Variants in ELP3 observed in about 807,000 individuals in gnomAD.
The protein encoded by ELP3 is elongator complex protein 3.
ELP3 carries 56 observed loss-of-function variants against 74.9 expected under a neutral mutation model. The ratio of observed to expected loss-of-function variants is 0.75; its 90% confidence interval spans 0.60 to 0.93. ELP3 has a LOEUF of 0.93. Among genes scored for constraint, ELP3 ranks in the 40% least tolerant of loss-of-function variants. ELP3 has a pLI of 0.00. For synonymous variants in ELP3, 222 were observed against 239.8 expected, an observed-to-expected ratio of 0.93 and a Z score of 0.68; for missense variants, 573 against 686.5, an observed-to-expected ratio of 0.83 and a Z score of 1.85.
At chr8:28,141,581 G>C (rs1332626701) in intron 10 of ELP3, among the ~76,000 whole-genome samples, 1 of 152,112 alleles carries the variant, frequency 6.6e-6, no homozygotes, top group Non-Finnish European at 1.5e-5. Context: ...GTTCTTTTGT[G>C]GTTATGTAAG....
At chr8:28,110,607 G>A in intron 6 of ELP3, 169 bp downstream of exon 6, 1 of 572,186 alleles carries the variant, frequency 1.7e-6, no homozygotes, top group Non-Finnish European at 3.1e-6. Flanking sequence ...TGCCTAGCAA[G>A]GTCAAAAACA....
chr8:28,171,214 G>A (rs902053749), intron 14 of ELP3, among the ~76,000 whole-genome samples: 10 of 152,102 alleles, frequency 6.6e-5, no homozygotes, highest in African/African-American at 2.4e-4. Context: ...TAATTGCTGA[G>A]TCAAATTGTA....
intron 7 of ELP3, among the ~76,000 whole-genome samples, chr8:28,120,660 C>T (rs1240763859): frequency 6.6e-6 from 1 of 152,182 alleles, no homozygotes; most frequent in Non-Finnish European, 1.5e-5. Context: ...GTGTTTTCTT[C>T]TAATTACAGG....
intron 10 of ELP3, among the ~76,000 whole-genome samples, chr8:28,150,691 G>T (rs1450477507): frequency 1.3e-5 from 2 of 152,000 alleles, no homozygotes; most frequent in Non-Finnish European, 2.9e-5. Flanking sequence ...ATGCCTACAT[G>T]TAGGTTTTGG....
intron 7 of ELP3, among the ~76,000 whole-genome samples, chr8:28,128,506 G>T (rs1585678306): frequency 6.6e-6 from 1 of 152,124 alleles, no homozygotes; most frequent in African/African-American, 2.4e-5. Context: ...TTGAAAAGCA[G>T]AGAAGTCTGG....
Position 28,189,831 on chromosome 8 carries a change from T to C in ELP3, c.*106T>C. 8.2e-7 allele frequency: 1 copy of C among 1,214,820 alleles called. No homozygotes were observed. Among genetic ancestry groups the C allele is most frequent in the Non-Finnish European group, 1.2e-6 (1 of 838,736 alleles). The allele number at this position is 1,214,820 out of a possible 1,614,324, so 75.3% of individuals were successfully genotyped here. On this transcript the variant is annotated 3_prime_UTR_variant, in exon 15 of 15. Transcript: ENST00000256398. The stretch of plus-strand genomic sequence containing the variant: ...AGGCTGAGCAGAGCAAATGGGGGGC[T>C]TCACCCTCATCCCGCAGCTGCAGAG...
upstream of ELP3, chr8:28,092,809 G>A (rs908547607): frequency 8.5e-6 from 1 of 116,992 alleles, no homozygotes; most frequent in African/African-American, 3.4e-5. Context: ...CCCCGGATGT[G>A]ACGACCCTGG....
upstream of ELP3, chr8:28,090,472 C>A: frequency 4.2e-6 from 1 of 238,914 alleles, no homozygotes; most frequent in East Asian, 1.9e-4. Context: ...CCTCCATAGT[C>A]TGATGGGTGG....
intron 14 of ELP3, among the ~76,000 whole-genome samples, chr8:28,172,999 A>G (rs1326586195): frequency 2.6e-5 from 4 of 152,048 alleles, no homozygotes; most frequent in Non-Finnish European, 2.9e-5. Flanking sequence ...GTTGTGGTAT[A>G]TAATCCTTTT....
At chr8:28,133,256 T>A (rs1184795378) in intron 9 of ELP3, among the ~76,000 whole-genome samples, 1 of 152,166 alleles carries the variant, frequency 6.6e-6, no homozygotes, top group African/African-American at 2.4e-5. Flanking sequence ...TGTGTGTTTT[T>A]ATCCTCTGAC....
At chr8:28,188,637 C>G (rs1254639539) in intron 14 of ELP3, among the ~76,000 whole-genome samples, 1 of 152,248 alleles carries the variant, frequency 6.6e-6, no homozygotes, top group African/African-American at 2.4e-5. Flanking sequence ...GGGACAAACA[C>G]TTCTGTGCTC....
chr8:28,108,584 G>A lies in ELP3; in HGVS notation c.393+608G>A, dbSNP rs188732260. On this transcript the variant is annotated intron_variant, in intron 5 of 14. Transcript: ENST00000256398. The stretch of plus-strand genomic sequence containing the variant: ...TGATTCTCCTGCCTCAGCCTCCCGA[G>A]TAGCTGGGACTACAGGCAAGCACCA... Among the ~76,000 whole-genome samples the A allele has an allele frequency of 5.6e-3, 848 of 151,032 alleles. 4 individuals are homozygous for A. Among genetic ancestry groups the A allele is most frequent in the Non-Finnish European group, 8.2e-3 (555 of 67,914 alleles).
rs1265501241 is a variant in ELP3 at position 28,147,592 on chromosome 8, A to G, written c.1101-8350A>G. 6.6e-6 allele frequency among the ~76,000 whole-genome samples: 1 copy of G among 152,106 alleles called. No homozygotes were observed. Among genetic ancestry groups the G allele is most frequent in the Non-Finnish European group, 1.5e-5 (1 of 68,028 alleles). Reference sequence around the variant, plus strand: ...CGGGTTTAAAAATTTATATATAGAAATAGTTATAGCGTGTATGTTTATATA... The same window carrying G: ...CGGGTTTAAAAATTTATATATAGAAGTAGTTATAGCGTGTATGTTTATATA... On this transcript the variant is annotated intron_variant, in intron 10 of 14. Transcript: ENST00000256398. This position sits in a 1 kb window ranked among gnomAD's most constrained non-coding sequence, Gnocchi z 4.5.
At chr8:28,167,653 C>A (rs1424318755) in intron 14 of ELP3, among the ~76,000 whole-genome samples, 1 of 152,204 alleles carries the variant, frequency 6.6e-6, no homozygotes, top group Admixed American at 6.5e-5. Flanking sequence ...GTGGCACCTA[C>A]ACGAGTGTTA....
intron 5 of ELP3, 87 bp downstream of exon 5, chr8:28,108,063 T>C: frequency 8.3e-7 from 1 of 1,208,626 alleles, no homozygotes. Flanking sequence ...TTTCTGACAA[T>C]TTTTTGTTTT....
At chr8:28,145,032 T>G (rs1045434535) in intron 10 of ELP3, among the ~76,000 whole-genome samples, 1 of 151,766 alleles carries the variant, frequency 6.6e-6, no homozygotes, top group Non-Finnish European at 1.5e-5. Context: ...AGAGTGAGAC[T>G]CCATCTCAAA....
At position 28,138,236 on chromosome 8, in the gene ELP3, T is replaced by A. The variant is rs180819753; in HGVS notation, c.1100+345T>A. 1.6e-3 allele frequency among the ~76,000 whole-genome samples: 245 copies of A among 152,234 alleles called. 2 individuals are homozygous for A. The highest frequency in any genetic ancestry group is 5.6e-3 in the African/African-American group (231 of 41,534). On this transcript the variant is annotated intron_variant, in intron 10 of 14. Coordinates refer to ENST00000256398, the MANE Select transcript of ELP3 (RefSeq NM_018091.6). ...CAGTAATGGGTATGAGCATAAGAAG[T>A]GTGGCCGTGTGTGCAATCTCTGTTC...
At chr8:28,138,010 C>CATTCCAGTTATCTTATT in intron 10 of ELP3, 119 bp downstream of exon 10, 1 of 920,396 alleles carries the variant, frequency 1.1e-6, no homozygotes, top group Non-Finnish European at 1.6e-6. Context: ...AATAAGATAA[C>CATTCCAGTTATCTTATT]TGGAATGCTA....
At chr8:28,131,797 T>C (rs1426126215) in intron 8 of ELP3, among the ~76,000 whole-genome samples, 1 of 152,232 alleles carries the variant, frequency 6.6e-6, no homozygotes, top group African/African-American at 2.4e-5. Context: ...TTTTGTATCA[T>C]AGGTTTCACT....
Sources: gnomAD v4.1 joint callset for allele counts (sites outside exome capture counted in the v4.1 genomes callset) on GRCh38, gnomAD v4.1.1 for gene constraint, Gnocchi (gnomAD v3.1) non-coding constraint, MANE v1.5 for transcripts, NCBI Gene and HGNC (gene_info 2026-07-23, HGNC 2026-07-21) for gene names.